Variants in MGAT5B observed in about 807,000 individuals in gnomAD.
MGAT5B encodes alpha-1,6-mannosylglycoprotein 6-beta-N-acetylglucosaminyltransferase B, also known as N-acetylglucosaminyl-transferase Vb.
Under a neutral mutation model 95.1 loss-of-function variants are expected in MGAT5B, and 54 were observed. The observed-to-expected ratio is 0.57, with a 90% CI of 0.46 to 0.71. The LOEUF (loss-of-function observed/expected upper bound fraction) is 0.71. Ranked by LOEUF, MGAT5B falls within the 30% of genes least tolerant of loss-of-function variation. MGAT5B has a pLI of 0.00. For synonymous variants in MGAT5B, 464 were observed against 451.0 expected (o/e 1.03, Z -0.36); for missense variants, 935 against 1,088.6 (o/e 0.86, Z 1.99).
rs982816197 is a variant in MGAT5B at position 76,949,209 on chromosome 17, A to G, written c.*371A>G. Reference sequence around the variant, plus strand: ...AAGGGGCCCAGTCGTTCTTGGGCCCAGGATGGGGCCTCTAGACTTGCAAGG... The same window carrying G: ...AAGGGGCCCAGTCGTTCTTGGGCCCGGGATGGGGCCTCTAGACTTGCAAGG... On this transcript the variant is annotated 3_prime_UTR_variant, in exon 18 of 18. Coordinates refer to ENST00000569840, the MANE Select transcript of MGAT5B (RefSeq NM_001199172.2). 1 of 243,908 alleles carries G rather than the reference A, an allele frequency of 4.1e-6. No homozygotes were observed. The highest frequency in any genetic ancestry group is 8.0e-6 in the Non-Finnish European group (1 of 125,254). The allele number at this position is 243,908 out of a possible 1,614,324, so 15.1% of individuals were successfully genotyped here.
At chr17:76,873,035 G>A in intron 2 of MGAT5B, 72 bp downstream of exon 2, 2 of 1,552,012 alleles carry the variant, frequency 1.3e-6, no homozygotes, top group Non-Finnish European at 1.8e-6. Flanking sequence ...GTGCCTCTGA[G>A]CCTAGCCCTG....
chr17:76,925,248 C>CTCCCCTCCCT (rs1969272001), intron 9 of MGAT5B, 151 bp downstream of exon 9: 1 of 17,544 alleles, frequency 5.7e-5, no homozygotes, highest in Non-Finnish European at 1.2e-4. Flanking sequence ...CTCCCCTCCC[C>CTCCCCTCCCT]TCCCCTGCCA....
In MGAT5B at chr17:76,915,636, CTT is replaced by C. The variant is rs1968903215; in HGVS notation, c.1026-9329_1026-9328del. ...TCTGGATGCTTGGAATATTTTGTAA[CTT>C]ATAAGCACACAGATTAGGAAAAGGT... On this transcript the variant is annotated intron_variant, in intron 8 of 17. Transcript: ENST00000569840. This position sits in a 1 kb window ranked among gnomAD's most constrained non-coding sequence, Gnocchi z 8.7. 6.6e-6 allele frequency among the ~76,000 whole-genome samples: 1 copy of C among 152,160 alleles called. No homozygotes were observed.
rs569775710 is a variant in MGAT5B at position 76,912,558 on chromosome 17, C to T, written c.1025+6371C>T. 2.2e-4 allele frequency among the ~76,000 whole-genome samples: 33 copies of T among 152,118 alleles called. No homozygotes were observed. Among genetic ancestry groups the T allele is most frequent in the Non-Finnish European group, 3.7e-4 (25 of 68,012 alleles). On this transcript the variant is annotated intron_variant, in intron 8 of 17. Transcript: ENST00000569840. This position sits in a 1 kb window ranked among gnomAD's most constrained non-coding sequence, Gnocchi z 5.0. Reference sequence around the variant, plus strand: ...GTTGTAGTTTATTCGCAGATGTTCACGGCAGATGTCCTGGCCACTGATGGA... The same window carrying T: ...GTTGTAGTTTATTCGCAGATGTTCATGGCAGATGTCCTGGCCACTGATGGA...
rs190189392 is a variant in MGAT5B at position 76,871,336 on chromosome 17, C to T, written c.69-1515C>T. 8.5e-5 allele frequency among the ~76,000 whole-genome samples: 13 copies of T among 152,290 alleles called. No homozygotes were observed. The East Asian group carries it at 2.3e-3, about 27-fold the overall frequency. On this transcript the variant is annotated intron_variant, in intron 1 of 17. Coordinates refer to ENST00000569840, the MANE Select transcript of MGAT5B (RefSeq NM_001199172.2). ...CCAGGCTTGGTGGAATTCCGTGAGG[C>T]GTCCCTCTGCGCTAAGGAAAGTGTC...
chr17:76,922,670 CA>C (rs1969155133), intron 8 of MGAT5B, among the ~76,000 whole-genome samples: 1 of 152,192 alleles, frequency 6.6e-6, no homozygotes, highest in Admixed American at 6.5e-5. Flanking sequence ...GTATTTCAGC[CA>C]AAAAGCTGAA....
intron 3 of MGAT5B, among the ~76,000 whole-genome samples, chr17:76,897,604 A>G (rs73371886): frequency 0.013 from 1,982 of 151,810 alleles, 34 homozygotes; most frequent in African/African-American, 0.046. Context: ...GCCTGATCCA[A>G]TATGACCTCA....
At chr17:76,933,505 G>A (rs1567821593) in intron 12 of MGAT5B, among the ~76,000 whole-genome samples, 1 of 152,186 alleles carries the variant, frequency 6.6e-6, no homozygotes, top group Non-Finnish European at 1.5e-5. Flanking sequence ...GTCACAGGGA[G>A]GCAAGTCCTG....
At chr17:76,908,272 CTTCT>C (rs140718807) in intron 8 of MGAT5B, among the ~76,000 whole-genome samples, 17,584 of 127,966 alleles carry the variant, frequency 0.14, 1,397 homozygotes, top group African/African-American at 0.22. Context: ...CTCTTTCTTT[CTTCT>C]TTTTTTTTTT....
Position 76,933,345 on chromosome 17 carries a change from C to T in MGAT5B, c.1428+48C>T, listed in dbSNP as rs528717049. The T allele has an allele frequency of 1.4e-5, 22 of 1,597,002 alleles. No individual in the cohort carries two copies. In the South Asian group the frequency reaches 2.4e-4, roughly 18 times the overall value. Reference sequence around the variant, plus strand: ...GCCCCCTCTACCCTCTGCTCCCTTCCCCTCTCCAGCAGCCACTCCAGGGGT... The same window carrying T: ...GCCCCCTCTACCCTCTGCTCCCTTCTCCTCTCCAGCAGCCACTCCAGGGGT... On this transcript the variant is annotated intron_variant, in intron 12 of 17. Coordinates refer to ENST00000569840, the MANE Select transcript of MGAT5B (RefSeq NM_001199172.2).
At chr17:76,913,528 C>G in intron 8 of MGAT5B, 1 of 362,864 alleles carries the variant, frequency 2.8e-6, no homozygotes, top group South Asian at 2.0e-5. Context: ...GGTGACGGGC[C>G]CAGGGGAGGT....
intron 15 of MGAT5B, 88 bp from the exon 16 acceptor site, chr17:76,946,288 C>A (rs747136411): frequency 1.7e-6 from 2 of 1,153,088 alleles, no homozygotes; most frequent in South Asian, 1.4e-5. Flanking sequence ...GAGAGCCCAC[C>A]AGACCTCCAC....
chr17:76,931,242 G>A (rs1969468030), intron 10 of MGAT5B, among the ~76,000 whole-genome samples: 1 of 152,118 alleles, frequency 6.6e-6, no homozygotes, highest in Non-Finnish European at 1.5e-5. Context: ...GATAACAGGT[G>A]TGCGCCACCA....
At chr17:76,935,100 G>A (rs543292987) in intron 12 of MGAT5B, among the ~76,000 whole-genome samples, 11 of 152,162 alleles carry the variant, frequency 7.2e-5, no homozygotes, top group Middle Eastern at 3.2e-3. Flanking sequence ...GTAGAGTGTA[G>A]TCCCAGGAAG....
Position 76,932,710 on chromosome 17 carries a change from C to T in MGAT5B, c.1357C>T (p.Leu453Phe), listed in dbSNP as rs1300309370. ...SEELNETEKRLIKGGKASNMA... is the reference protein window; with the variant it reads ...SEELNETEKRFIKGGKASNMA... ...GGAGCTCAACGAGACGGAGAAGCGG[C>T]TCATCAAAGGCGGCAAGGCCAGCAA... The change falls in exon 11 of 18, where the codon CTC (leucine) becomes TTC (phenylalanine). Residue 453 changes from leucine to phenylalanine, a missense_variant. Leu to Phe is a conservative substitution (Grantham distance 22). This residue lies in a region of MGAT5B where 440 missense variants were observed against 523.6 expected (regional missense o/e 0.84). Coordinates refer to ENST00000569840, the MANE Select transcript of MGAT5B (RefSeq NM_001199172.2). 1.9e-6 allele frequency: 3 copies of T among 1,613,916 alleles called. No homozygotes were observed. The highest frequency in any genetic ancestry group is 1.7e-6 in the Non-Finnish European group (2 of 1,179,978).
At position 76,938,617 on chromosome 17, in the gene MGAT5B, C is replaced by T. The variant is rs188502533; in HGVS notation, c.1584+474C>T. ...CAGCAGTTGACACAGTGGGCAAAAC[C>T]CTGACTGGACCCTGGAGTATCAGCT... is the stretch of plus-strand genomic sequence containing the variant. On this transcript the variant is annotated intron_variant, in intron 13 of 17. Transcript: ENST00000569840. The surrounding 1 kb of genome is among the most constrained non-coding windows in gnomAD (Gnocchi z 4.3). Among the ~76,000 whole-genome samples the T allele has an allele frequency of 1.0e-3, 156 of 152,276 alleles. No homozygotes were observed. Among genetic ancestry groups the T allele is most frequent in the African/African-American group, 3.6e-3 (149 of 41,550 alleles).
In MGAT5B at chr17:76,906,293, G is replaced by T. The variant is rs755192017; in HGVS notation, c.1025+106G>T. 3 of 1,141,356 alleles carry T rather than the reference G, an allele frequency of 2.6e-6. No homozygotes were observed. The highest frequency in any genetic ancestry group is 3.6e-6 in the Non-Finnish European group (3 of 826,738). The allele number at this position is 1,141,356 out of a possible 1,614,324, so 70.7% of individuals were successfully genotyped here. ...TGTGGGAGCACCTGCTCTGCCTGCA[G>T]GTCCCACGGCCCTGAGACCCTGGGA... On this transcript the variant is annotated intron_variant, in intron 8 of 17. Coordinates refer to ENST00000569840, the MANE Select transcript of MGAT5B (RefSeq NM_001199172.2). This position sits in a 1 kb window ranked among gnomAD's most constrained non-coding sequence, Gnocchi z 4.6.
chr17:76,910,197 G>C (rs1437261748), intron 8 of MGAT5B, among the ~76,000 whole-genome samples: 2 of 152,200 alleles, frequency 1.3e-5, no homozygotes, highest in East Asian at 3.9e-4. Flanking sequence ...GTCAGATCCA[G>C]CTGTTCGCAC....
intron 9 of MGAT5B, among the ~76,000 whole-genome samples, chr17:76,926,086 G>A (rs541137378): frequency 6.6e-6 from 1 of 152,310 alleles, no homozygotes; most frequent in Non-Finnish European, 1.5e-5. Flanking sequence ...TGCAGAGGAG[G>A]CTCAGAAGCG....
Sources: gnomAD v4.1 joint callset for allele counts (sites outside exome capture counted in the v4.1 genomes callset) on GRCh38, gnomAD v4.1.1 for gene constraint, gnomAD v4.1.1 regional missense constraint, Gnocchi (gnomAD v3.1) non-coding constraint, MANE v1.5 for transcripts, NCBI Gene and HGNC (gene_info 2026-07-23, HGNC 2026-07-21) for gene names.